Variants in MAGI3 observed in about 807,000 individuals in gnomAD.
MAGI3 encodes the protein membrane associated guanylate kinase, WW and PDZ domain containing 3.
MAGI3 carries 43 observed loss-of-function variants against 121.8 expected under a neutral mutation model. That is an observed-to-expected ratio of 0.35 (90% CI 0.28 to 0.46). The LOEUF (loss-of-function observed/expected upper bound fraction) is 0.46. MAGI3 is among the 20% of genes least tolerant of loss of function. The probability of loss-of-function intolerance (pLI) is 1.00; values close to 1 mark genes in which losing one functional copy is unlikely to be tolerated. For synonymous variants in MAGI3, 553 were observed against 639.3 expected, an observed-to-expected ratio of 0.86 and a Z score of 2.04; for missense variants, 1,547 against 1,797.3, an observed-to-expected ratio of 0.86 and a Z score of 2.52.
At chr1:113,632,736 T>C (rs551693203) in intron 9 of MAGI3, among the ~76,000 whole-genome samples, 2 of 152,340 alleles carry the variant, frequency 1.3e-5, no homozygotes, top group Admixed American at 6.5e-5. Flanking sequence ...TTTTGAAATC[T>C]GATTTATACA....
rs746054756 is a variant in MAGI3, at chr1:113,683,307, C to T, written c.3739C>T (p.Pro1247Ser). The change falls in exon 21 of 21, where the codon CCC becomes TCC. Residue 1247 changes from proline to serine, a missense_variant. By Grantham distance (74) the Pro-to-Ser change is moderately conservative. Transcript: ENST00000307546. ...DKIPSPLKNN[P>S]KRRPRDQSLS... Reference sequence around the variant, plus strand: ...GATTCCTAGTCCTCTAAAAAATAACCCCAAAAGAAGACCCAGAGATCAATC... The same window carrying T: ...GATTCCTAGTCCTCTAAAAAATAACTCCAAAAGAAGACCCAGAGATCAATC... 12 of 1,612,522 alleles carry T rather than the reference C, an allele frequency of 7.4e-6. No homozygotes were observed. Among genetic ancestry groups the T allele is most frequent in the Non-Finnish European group, 9.3e-6 (11 of 1,179,620 alleles).
chr1:113,632,595 C>T (rs1651704704), intron 9 of MAGI3, among the ~76,000 whole-genome samples: 3 of 152,156 alleles, frequency 2.0e-5, no homozygotes, highest in Admixed American at 6.5e-5. Flanking sequence ...GATTCTACAA[C>T]CAAAATAGTC....
chr1:113,639,493 C>G (rs1049120105), intron 9 of MAGI3, among the ~76,000 whole-genome samples: 1 of 152,222 alleles, frequency 6.6e-6, no homozygotes, highest in African/African-American at 2.4e-5. Flanking sequence ...CCTCCGCCTC[C>G]TGCGTTCAAG....
chr1:113,679,323 A>C (rs1452298659), intron 19 of MAGI3, among the ~76,000 whole-genome samples: 1 of 152,054 alleles, frequency 6.6e-6, no homozygotes, highest in African/African-American at 2.4e-5. Context: ...CTCAGTGTTT[A>C]GCTCCCAATT....
chr1:113,674,768 C>T (rs1221943931), intron 19 of MAGI3, among the ~76,000 whole-genome samples: 4 of 152,092 alleles, frequency 2.6e-5, no homozygotes, highest in Non-Finnish European at 4.4e-5. Flanking sequence ...TTTATGCATG[C>T]TACTGAATGA....
chr1:113,675,680 A>C (rs1251494467), intron 19 of MAGI3, among the ~76,000 whole-genome samples: 1 of 152,194 alleles, frequency 6.6e-6, no homozygotes, highest in East Asian at 1.9e-4. Context: ...TAATTAGTGG[A>C]CTAGATAAAA....
intron 19 of MAGI3, among the ~76,000 whole-genome samples, chr1:113,678,117 T>A (rs185720749): frequency 6.7e-6 from 1 of 149,780 alleles, no homozygotes; most frequent in African/African-American, 2.5e-5. Context: ...TTTGTTGTTT[T>A]TTTTTTTTGC....
chr1:113,653,467 G>A (rs1274165880), intron 14 of MAGI3, among the ~76,000 whole-genome samples: 1 of 152,048 alleles, frequency 6.6e-6, no homozygotes, highest in African/African-American at 2.4e-5. Context: ...AGCTACTCAG[G>A]AGGCTGAGGC....
chr1:113,466,824 A>G (rs1003509895), intron 1 of MAGI3, among the ~76,000 whole-genome samples: 1 of 151,344 alleles, frequency 6.6e-6, no homozygotes, highest in Admixed American at 6.6e-5. Context: ...TTCTGATTTT[A>G]TTTGGGTCTT....
intron 1 of MAGI3, among the ~76,000 whole-genome samples, chr1:113,447,532 G>A (rs150228119): frequency 6.6e-6 from 1 of 152,200 alleles, no homozygotes; most frequent in Non-Finnish European, 1.5e-5. Context: ...TAAAAACATA[G>A]CAATCACAAT....
chr1:113,530,044 A>G (rs192952698), intron 1 of MAGI3, among the ~76,000 whole-genome samples: 46 of 152,284 alleles, frequency 3.0e-4, no homozygotes, highest in African/African-American at 9.9e-4. Context: ...CTGTGCATTC[A>G]AATAAACAGT....
intron 6 of MAGI3, among the ~76,000 whole-genome samples, chr1:113,601,036 G>T (rs1289383468): frequency 6.6e-6 from 1 of 152,068 alleles, no homozygotes; most frequent in Non-Finnish European, 1.5e-5. Context: ...GCTGAAACTG[G>T]ATCCCTTCCT....
At chr1:113,505,557 T>TAAATAAATAA (rs1311098939) in intron 1 of MAGI3, among the ~76,000 whole-genome samples, 13 of 64,316 alleles carry the variant, frequency 2.0e-4, no homozygotes, top group East Asian at 1.1e-3. Context: ...TAAATAAATA[T>TAAATAAATAA]ATAATGTCAG....
chr1:113,418,441 T>TCC (rs1652567371), intron 1 of MAGI3, among the ~76,000 whole-genome samples: 1 of 152,140 alleles, frequency 6.6e-6, no homozygotes, highest in East Asian at 1.9e-4. Flanking sequence ...CTTCTTCTTT[T>TCC]CCATTTCTTT....
At chr1:113,559,092 A>G (rs180741290) in intron 2 of MAGI3, among the ~76,000 whole-genome samples, 7 of 152,342 alleles carry the variant, frequency 4.6e-5, no homozygotes, top group Non-Finnish European at 1.0e-4. Context: ...CAACCACTAC[A>G]AAAATACACT....
At chr1:113,620,895 G>A (rs1290078552) in intron 8 of MAGI3, among the ~76,000 whole-genome samples, 1 of 152,166 alleles carries the variant, frequency 6.6e-6, no homozygotes, top group Non-Finnish European at 1.5e-5. Context: ...TTTTAAGGTG[G>A]TTATGAGTAT....
At chr1:113,453,650 G>T (rs1372898849) in intron 1 of MAGI3, among the ~76,000 whole-genome samples, 1 of 152,220 alleles carries the variant, frequency 6.6e-6, no homozygotes, top group African/African-American at 2.4e-5. Context: ...TTTTAAACAG[G>T]AAATGTAGAG....
chr1:113,554,098 T>C (rs1659891726), intron 2 of MAGI3, among the ~76,000 whole-genome samples: 1 of 152,132 alleles, frequency 6.6e-6, no homozygotes, highest in Non-Finnish European at 1.5e-5. Flanking sequence ...AAAAAATTAC[T>C]AGACCTGCAA....
intron 1 of MAGI3, among the ~76,000 whole-genome samples, chr1:113,406,799 A>G (rs1300302802): frequency 6.6e-6 from 1 of 152,150 alleles, no homozygotes; most frequent in African/African-American, 2.4e-5. Context: ...GGTAGAAAAA[A>G]TGTGTTACAG....
Sources: gnomAD v4.1 joint callset for allele counts (sites outside exome capture counted in the v4.1 genomes callset) on GRCh38, gnomAD v4.1.1 for gene constraint, MANE v1.5 for transcripts, NCBI Gene and HGNC (gene_info 2026-07-23, HGNC 2026-07-21) for gene names.